RNASET2: variants seen among roughly 807,000 people sequenced by gnomAD.
The protein encoded by RNASET2 is ribonuclease T2.
In RNASET2, 28 loss-of-function variants were observed where a neutral mutation model predicts 33.9. The ratio of observed to expected loss-of-function variants is 0.83; its 90% confidence interval spans 0.61 to 1.13. RNASET2 has a LOEUF of 1.13. Ranked by LOEUF, RNASET2 falls within the 50% of genes most tolerant of loss-of-function variation. The pLI is 0.00. For missense variants in RNASET2, 330 were observed against 319.9 expected (o/e 1.03, Z -0.24); for synonymous variants, 123 against 121.0 (o/e 1.02, Z -0.11).
At chr6:166,946,359 C>A (rs182260819) in intron 4 of RNASET2, among the ~76,000 whole-genome samples, 2 of 152,098 alleles carry the variant, frequency 1.3e-5, no homozygotes, top group African/African-American at 4.8e-5. Context: ...TGGGACGAGG[C>A]GGGGCTGGCG....
At chr6:166,931,301 C>G in intron 7 of RNASET2, 183 bp from the exon 8 acceptor site, 4 of 628,004 alleles carry the variant, frequency 6.4e-6, no homozygotes, top group South Asian at 3.7e-5. Context: ...TGCTGTCAAC[C>G]TGGGCTTCAT....
chr6:166,939,328 CT>C (rs1294616998), intron 5 of RNASET2, among the ~76,000 whole-genome samples: 1 of 151,862 alleles, frequency 6.6e-6, no homozygotes, highest in African/African-American at 2.4e-5. Flanking sequence ...CAAACTCCAT[CT>C]CAAAAAAAAA....
At position 166,933,909 on chromosome 6, in the gene RNASET2, A is replaced by G. The variant is rs747414223; in HGVS notation, c.492+182T>C. The G allele has an allele frequency of 6.2e-6, 4 of 647,134 alleles. No individual in the cohort carries two copies. Among genetic ancestry groups the G allele is most frequent in the Non-Finnish European group, 1.1e-5 (4 of 358,024 alleles). The allele number at this position is 647,134 out of a possible 1,614,324, so 40.1% of individuals were successfully genotyped here. A position where few individuals can be genotyped will look rare whatever the true frequency, so the allele number is the denominator to read the frequency against. Reference sequence around the variant, plus strand: ...CAAATCACTGGTCTAAGCAGCCTTCAGCTCCTACTCAACATGCGCAGGAAA... The same window carrying G: ...CAAATCACTGGTCTAAGCAGCCTTCGGCTCCTACTCAACATGCGCAGGAAA... On this transcript the variant is annotated intron_variant, in intron 7 of 8. Transcript: ENST00000508775. The surrounding 1 kb of genome is among the most constrained non-coding windows in gnomAD (Gnocchi z 4.1).
Position 166,922,966 on chromosome 6 carries a change from T to C in RNASET2, c.*6622A>G, listed in dbSNP as rs2082681928. 6.6e-6 allele frequency among the ~76,000 whole-genome samples: 1 copy of C among 152,252 alleles called. No individual in the cohort carries two copies. The highest frequency in any genetic ancestry group is 1.5e-5 in the Non-Finnish European group (1 of 68,044). On this transcript the variant is annotated 3_prime_UTR_variant, in exon 9 of 9. Transcript: ENST00000508775. Reference sequence around the variant, plus strand: ...GTTAAAAGCGGGTAGGAAAAGGTGATTGTGTAATTCTTGCTCCCTCAAATA... The same window carrying C: ...GTTAAAAGCGGGTAGGAAAAGGTGACTGTGTAATTCTTGCTCCCTCAAATA...
At chr6:166,947,567 G>T (rs991554483) in intron 3 of RNASET2, among the ~76,000 whole-genome samples, 2 of 152,164 alleles carry the variant, frequency 1.3e-5, no homozygotes, top group African/African-American at 4.8e-5. Flanking sequence ...CAGAGCACTT[G>T]GTCACAGCAG....
rs1434823211 is a variant in RNASET2, at chr6:166,933,876, T to C, written c.492+215A>G. ...TTCTCACAAAGGGAGCCATGAAATC[T>C]GTGCTTCCAAATCACTGGTCTAAGC... On this transcript the variant is annotated intron_variant, in intron 7 of 8. Coordinates refer to ENST00000508775, the MANE Select transcript of RNASET2 (RefSeq NM_003730.6). This position sits in a 1 kb window ranked among gnomAD's most constrained non-coding sequence, Gnocchi z 4.1. The C allele has an allele frequency of 6.7e-6, 4 of 595,596 alleles. No homozygotes were observed. The highest frequency in any genetic ancestry group is 1.9e-5 in the African/African-American group (1 of 53,822). The allele number at this position is 595,596 out of a possible 1,614,324, so 36.9% of individuals were successfully genotyped here.
chr6:166,933,711 A>G lies in RNASET2; in HGVS notation c.492+380T>C. On this transcript the variant is annotated intron_variant, in intron 7 of 8. Coordinates refer to ENST00000508775, the MANE Select transcript of RNASET2 (RefSeq NM_003730.6). The surrounding 1 kb of genome is among the most constrained non-coding windows in gnomAD (Gnocchi z 4.1). ...AACATCTTGTCATGCTTAAATATCT[A>G]TAGTTTCTTTTATCATAAAACAAAT... 1 of 252,900 alleles carries G rather than the reference A, an allele frequency of 4.0e-6. No homozygotes were observed. Among genetic ancestry groups the G allele is most frequent in the Non-Finnish European group, 7.6e-6 (1 of 130,870 alleles). 15.7% of individuals were successfully genotyped at this position (252,900 alleles called of 1,614,324 possible). A position where few individuals can be genotyped will look rare whatever the true frequency, so the allele number is the denominator to read the frequency against.
Position 166,956,299 on chromosome 6 carries a change from TC to T in RNASET2, c.-118del. ...TCTCCGAGCCCCCGCGCCGCCGCGC[TC>T]CCTCCGCTGCAGCAGCGGCCACCGG... On this transcript the variant is annotated 5_prime_UTR_variant, in exon 1 of 9. Transcript: ENST00000508775. 3.9e-6 allele frequency: 4 copies of T among 1,017,676 alleles called. No homozygotes were observed. The highest frequency in any genetic ancestry group is 6.0e-6 in the Non-Finnish European group (4 of 669,144). The allele number at this position is 1,017,676 out of a possible 1,614,324, so 63.0% of individuals were successfully genotyped here.
chr6:166,942,963 G>A (rs1205676256), intron 5 of RNASET2, 56 bp downstream of exon 5: 6 of 1,407,978 alleles, frequency 4.3e-6, no homozygotes, highest in Admixed American at 1.7e-5. Flanking sequence ...GATTCATCAC[G>A]CTCCCCACAC....
rs1778310051 is a variant in RNASET2, at chr6:166,926,597, T to C, written c.*2991A>G. ...GTTCTGAATATGATACAATTGCTAC[T>C]GTTAGTTATTCAAGCGCATAATGAT... On this transcript the variant is annotated 3_prime_UTR_variant, in exon 9 of 9. Coordinates refer to ENST00000508775, the MANE Select transcript of RNASET2 (RefSeq NM_003730.6). Among the ~76,000 whole-genome samples, 2 of 151,432 alleles carry C rather than the reference T, an allele frequency of 1.3e-5. No homozygotes were observed. Among genetic ancestry groups the C allele is most frequent in the African/African-American group, 4.8e-5 (2 of 41,252 alleles).
In RNASET2 at chr6:166,931,058, G is replaced by T. The variant is rs752566896; in HGVS notation, c.553C>A (p.Leu185Ile). The T allele has an allele frequency of 6.2e-7, 1 of 1,611,866 alleles. No homozygotes were observed. Among genetic ancestry groups the T allele is most frequent in the Non-Finnish European group, 8.5e-7 (1 of 1,177,902 alleles). The change falls in exon 8 of 9, where the codon CTT (leucine) becomes ATT (isoleucine). Residue 185 changes from leucine (L) to isoleucine (I), a missense_variant. Transcript: ENST00000508775. ...VYGVIPKIQC[L>I]PPSQDEEVQT... ...AACTGTCTAACCTGGCTTGGTGGAA[G>T]GCACTGGATTTTGGGTATCACTCCA...
chr6:166,938,135 A>C (rs1458591338), intron 6 of RNASET2, among the ~76,000 whole-genome samples: 1 of 152,236 alleles, frequency 6.6e-6, no homozygotes, highest in African/African-American at 2.4e-5. Context: ...GTGAATTCCA[A>C]AAGCAGCAAC....
At chr6:166,934,689 G>A (rs1295458198) in intron 6 of RNASET2, 1 of 168,394 alleles carries the variant, frequency 5.9e-6, no homozygotes, top group African/African-American at 2.4e-5. Flanking sequence ...GTACTCAGTA[G>A]AGTCACACAC....
intron 6 of RNASET2, chr6:166,934,546 C>T (rs989778909): frequency 8.0e-5 from 19 of 236,696 alleles, no homozygotes; most frequent in Admixed American, 2.1e-4. Context: ...CGCCACATTA[C>T]GACATTCAGT....
Position 166,956,081 on chromosome 6 carries a change from T to C in RNASET2, c.86+16A>G. 1 of 1,548,568 alleles carries C rather than the reference T, an allele frequency of 6.5e-7. No individual in the cohort carries two copies. The highest frequency in any genetic ancestry group is 8.7e-7 in the Non-Finnish European group (1 of 1,145,432). On this transcript the variant is annotated intron_variant, in intron 1 of 8. Coordinates refer to ENST00000508775, the MANE Select transcript of RNASET2 (RefSeq NM_003730.6). Reference sequence around the variant, plus strand: ...CGGCTCCCACGCTCCCCACTTTACCTCGCAAGGTAACTCACCGCAGGCGCT... The same window carrying C: ...CGGCTCCCACGCTCCCCACTTTACCCCGCAAGGTAACTCACCGCAGGCGCT...
At chr6:166,931,189 G>A in intron 7 of RNASET2, 71 bp from the exon 8 acceptor site, 1 of 1,099,474 alleles carries the variant, frequency 9.1e-7, no homozygotes, top group Non-Finnish European at 1.4e-6. Context: ...GGACTATCCT[G>A]AGCGCAACAG....
In RNASET2 at chr6:166,955,425, A is replaced by G. The variant is rs113127681; in HGVS notation, c.86+672T>C. On this transcript the variant is annotated intron_variant, in intron 1 of 8. Transcript: ENST00000508775. Reference sequence around the variant, plus strand: ...CACACACACGCGCACACACACACACACGCGGAGGGCGAGCCAAGGGAAGGG... The same window carrying G: ...CACACACACGCGCACACACACACACGCGCGGAGGGCGAGCCAAGGGAAGGG... 4.7e-3 allele frequency: 3,392 copies of G among 719,592 alleles called. 87 individuals carry two copies. In the African/African-American group the frequency reaches 0.057, roughly 12 times the overall value. The allele number at this position is 719,592 out of a possible 1,614,324, so 44.6% of individuals were successfully genotyped here. A position where few individuals can be genotyped will look rare whatever the true frequency, so the allele number is the denominator to read the frequency against.
chr6:166,949,199 C>CA (rs1169530046), intron 2 of RNASET2, among the ~76,000 whole-genome samples: 10,649 of 52,144 alleles, frequency 0.2, 991 homozygotes, highest in South Asian at 0.34. Flanking sequence ...ACCGTGTCTC[C>CA]AAAAAAAAAA....
intron 2 of RNASET2, among the ~76,000 whole-genome samples, chr6:166,950,228 G>GGAAC (rs1418280939): frequency 3.9e-5 from 6 of 152,114 alleles, no homozygotes; most frequent in Non-Finnish European, 7.4e-5. Flanking sequence ...TTCTTCCGTA[G>GGAAC]GAACCAAGGA....
Sources: allele counts gnomAD v4.1 joint callset (sites outside exome capture counted in the v4.1 genomes callset), GRCh38; gene constraint gnomAD v4.1.1; non-coding constraint Gnocchi (gnomAD v3.1); transcripts MANE v1.5; gene names NCBI Gene and HGNC (gene_info 2026-07-23, HGNC 2026-07-21).